The following KIF13A variants were observed in gnomAD, a reference collection of about 807,000 sequenced individuals.
The protein encoded by KIF13A is kinesin family member 13A, also known as kinesin-like protein KIF13A.
A neutral mutation model predicts 212.2 loss-of-function variants in KIF13A; 79 were observed. The ratio of observed to expected loss-of-function variants is 0.37; its 90% CI spans 0.31 to 0.45. The LOEUF (loss-of-function observed/expected upper bound fraction) is 0.45. Ranked by LOEUF, KIF13A falls within the 20% of genes least tolerant of loss-of-function variation. KIF13A has a pLI of 1.00. For missense variants in KIF13A, 1,901 were observed against 2,209.0 expected (o/e 0.86, Z 2.79); for synonymous variants, 789 against 808.6 (o/e 0.98, Z 0.41).
intron 2 of KIF13A, among the ~76,000 whole-genome samples, chr6:17,985,632 C>CGGGGG (rs1554128614): frequency 3.9e-4 from 15 of 38,168 alleles, no homozygotes; most frequent in African/African-American, 1.1e-3. Context: ...ATGCAGTTTG[C>CGGGGG]GGGGGGGTGG....
At chr6:17,920,611 C>T (rs781756584) in intron 2 of KIF13A, among the ~76,000 whole-genome samples, 4 of 152,160 alleles carry the variant, frequency 2.6e-5, no homozygotes, top group South Asian at 2.1e-4. Context: ...CGGTGGCTCA[C>T]GCCTGTAATC....
Position 17,872,827 on chromosome 6 carries a change from G to A in KIF13A, c.220+550C>T, listed in dbSNP as rs1172635151. On this transcript the variant is annotated intron_variant, in intron 4 of 38. Coordinates refer to ENST00000259711, the MANE Select transcript of KIF13A (RefSeq NM_022113.6). This position sits in a 1 kb window ranked among gnomAD's most constrained non-coding sequence, Gnocchi z 4.7. ...AGTTTTGTATGTTTAGTAGAGACGG[G>A]GTTTTGCTATGTTATTCAAGCTGGT... 1.3e-5 allele frequency among the ~76,000 whole-genome samples: 2 copies of A among 151,956 alleles called. No homozygotes were observed. Among genetic ancestry groups the A allele is most frequent in the Non-Finnish European group, 1.5e-5 (1 of 67,992 alleles).
rs1046763719 is a variant in KIF13A, at chr6:17,967,520, C to G, written c.146+19534G>C. Reference sequence around the variant, plus strand: ...CTCAAGGATGGAAAACTAAACTTCTCTAGGGCAGAGAAAACTATCCGAAGT... The same window carrying G: ...CTCAAGGATGGAAAACTAAACTTCTGTAGGGCAGAGAAAACTATCCGAAGT... On this transcript the variant is annotated intron_variant, in intron 2 of 38. Transcript: ENST00000259711. This position sits in a 1 kb window ranked among gnomAD's most constrained non-coding sequence, Gnocchi z 4.1. Among the ~76,000 whole-genome samples the G allele has an allele frequency of 1.3e-5, 2 of 152,236 alleles. No individual in the cohort carries two copies. Among genetic ancestry groups the G allele is most frequent in the South Asian group, 4.1e-4 (2 of 4,830 alleles).
rs1258349669 is a variant in KIF13A at position 17,825,028 on chromosome 6, T to G, written c.1786+740A>C. Among the ~76,000 whole-genome samples the G allele has an allele frequency of 2.0e-5, 3 of 152,120 alleles. No individual in the cohort carries two copies. The South Asian group carries it at 6.2e-4, about 31-fold the overall frequency. Reference sequence around the variant, plus strand: ...ATGTCATCTTGTGGTTGGTAACAGGTGAACATTGCTTCTGGCTTCTAAGTC... The same window carrying G: ...ATGTCATCTTGTGGTTGGTAACAGGGGAACATTGCTTCTGGCTTCTAAGTC... On this transcript the variant is annotated intron_variant, in intron 16 of 38. Transcript: ENST00000259711. This position sits in a 1 kb window ranked among gnomAD's most constrained non-coding sequence, Gnocchi z 4.5.
Position 17,816,391 on chromosome 6 carries a change from C to CA in KIF13A, c.2000+628dup, listed in dbSNP as rs112666589. Among the ~76,000 whole-genome samples the CA allele has an allele frequency of 0.042, 6,424 of 152,212 alleles. 343 individuals are homozygous for CA. The highest frequency in any genetic ancestry group is 0.12 in the African/African-American group (5,012 of 41,508). On this transcript the variant is annotated intron_variant, in intron 17 of 38. Coordinates refer to ENST00000259711, the MANE Select transcript of KIF13A (RefSeq NM_022113.6). This position sits in a 1 kb window ranked among gnomAD's most constrained non-coding sequence, Gnocchi z 4.3. ...GCTAATTTTTTATTTTTTGTAGAGA[C>CA]AAGGTCTCGTTATGTTGCTCAGGCT...
intron 22 of KIF13A, 78 bp from the exon 23 acceptor site, chr6:17,796,898 TA>T: frequency 1.1e-6 from 1 of 945,574 alleles, no homozygotes; most frequent in Non-Finnish European, 1.5e-6. Flanking sequence ...TCAACTGTTA[TA>T]TTTATTTTAG....
chr6:17,782,364 G>A (rs1270540799), intron 29 of KIF13A, among the ~76,000 whole-genome samples: 6 of 152,192 alleles, frequency 3.9e-5, no homozygotes, highest in East Asian at 1.9e-4. Context: ...GAGGCTGAGC[G>A]CAGTGGCTCA....
chr6:17,781,003 A>G (rs2150307323), intron 30 of KIF13A, 97 bp from the exon 31 acceptor site: 1 of 1,352,730 alleles, frequency 7.4e-7, no homozygotes, highest in East Asian at 2.3e-5. Flanking sequence ...AATTCAACTC[A>G]CTGTAATCAA....
chr6:17,896,131 T>C (rs1772540667), intron 3 of KIF13A, among the ~76,000 whole-genome samples: 1 of 152,148 alleles, frequency 6.6e-6, no homozygotes, highest in Admixed American at 6.5e-5. Context: ...ATACATGGGT[T>C]TTATGTCCCC....
intron 16 of KIF13A, among the ~76,000 whole-genome samples, chr6:17,818,389 A>T (rs9383329): frequency 0.97 from 147,494 of 152,300 alleles, 71,598 homozygotes; most frequent in East Asian, 1. Context: ...AGATACCCTA[A>T]CAACTTGTAA....
intron 4 of KIF13A, among the ~76,000 whole-genome samples, chr6:17,860,755 T>G (rs1768688534): frequency 6.6e-6 from 1 of 152,124 alleles, no homozygotes; most frequent in African/African-American, 2.4e-5. Flanking sequence ...TCTTTGAACT[T>G]AAAAATAAAT....
chr6:17,860,646 G>T (rs928053726), intron 4 of KIF13A, among the ~76,000 whole-genome samples: 2 of 151,454 alleles, frequency 1.3e-5, no homozygotes, highest in Non-Finnish European at 2.9e-5. Context: ...TTAATTGGGA[G>T]CCTCTTCCCT....
Position 17,929,710 on chromosome 6 carries a change from CTA to C in KIF13A, c.147-31532_147-31531del, listed in dbSNP as rs1775827801. 3.3e-5 allele frequency among the ~76,000 whole-genome samples: 5 copies of C among 151,952 alleles called. No individual in the cohort carries two copies. The South Asian group carries it at 8.3e-4, about 25-fold the overall frequency. Reference sequence around the variant, plus strand: ...CCACCGCGCCCGGCCGCACTCTCAACTATTTTTGGTGGGAGGGAAGACAGGGT... The same window carrying C: ...CCACCGCGCCCGGCCGCACTCTCAACTTTTTGGTGGGAGGGAAGACAGGGT... On this transcript the variant is annotated intron_variant, in intron 2 of 38. Transcript: ENST00000259711.
At position 17,915,903 on chromosome 6, in the gene KIF13A, T is replaced by G. The variant is rs553009488; in HGVS notation, c.147-17723A>C. Among the ~76,000 whole-genome samples the G allele has an allele frequency of 6.7e-6, 1 of 150,276 alleles. No homozygotes were observed. Among genetic ancestry groups the G allele is most frequent in the East Asian group, 2.0e-4 (1 of 5,082 alleles). ...TTGCAGTAAGCCAAGATGGCACCAC[T>G]GCACTCAAGCCTGGGTGACAGAGAG... is the stretch of plus-strand genomic sequence containing the variant. On this transcript the variant is annotated intron_variant, in intron 2 of 38. Coordinates refer to ENST00000259711, the MANE Select transcript of KIF13A (RefSeq NM_022113.6). The surrounding 1 kb of genome is among the most constrained non-coding windows in gnomAD (Gnocchi z 4.4).
At position 17,764,770 on chromosome 6, in the gene KIF13A, C is replaced by T. The variant is rs772527476; in HGVS notation, c.4758G>A (p.Val1586=). ...LSNSRVLEKE[V]SRSPTTSSIT... is the part of the protein sequence containing the mutation. ...TACTGCTGGTGGTAGGGCTACGGGA[C>T]ACTTCTTTCTCCAAGACCCGTGAGT... The change falls in exon 39 of 39, where the codon GTG becomes GTA. Residue 1586 remains valine, a synonymous_variant. Coordinates refer to ENST00000259711, the MANE Select transcript of KIF13A (RefSeq NM_022113.6). This position sits in a 1 kb window ranked among gnomAD's most constrained non-coding sequence, Gnocchi z 5.1. The T allele has an allele frequency of 7.4e-6, 12 of 1,613,146 alleles. No homozygotes were observed. Among genetic ancestry groups the T allele is most frequent in the Non-Finnish European group, 1.0e-5 (12 of 1,179,556 alleles).
At chr6:17,854,314 T>G (rs1767940528) in intron 6 of KIF13A, among the ~76,000 whole-genome samples, 1 of 152,020 alleles carries the variant, frequency 6.6e-6, no homozygotes, top group African/African-American at 2.4e-5. Flanking sequence ...AATTTTTCTA[T>G]TTTAGTAGAG....
downstream of KIF13A, among the ~76,000 whole-genome samples, chr6:17,763,495 A>AAG (rs61278734): frequency 6.9e-6 from 1 of 145,242 alleles, no homozygotes; most frequent in Non-Finnish European, 1.5e-5. Flanking sequence ...AAAAAAAAAA[A>AAG]GAAAAAAGAA....
chr6:17,976,801 C>CAAAAAAA (rs998413837), intron 2 of KIF13A, among the ~76,000 whole-genome samples: 1 of 98,728 alleles, frequency 1.0e-5, no homozygotes, highest in African/African-American at 3.7e-5. Context: ...GACTCCATCT[C>CAAAAAAA]AAAAAAAAAA....
Position 17,834,976 on chromosome 6 carries a change from T to C in KIF13A, c.1156-905A>G, listed in dbSNP as rs1037010369. Reference sequence around the variant, plus strand: ...GGGAGGCTGAGGTGGGTGAATCACTTGAGACCAGCCTGGCTAACATGGCGA... The same window carrying C: ...GGGAGGCTGAGGTGGGTGAATCACTCGAGACCAGCCTGGCTAACATGGCGA... On this transcript the variant is annotated intron_variant, in intron 11 of 38. Transcript: ENST00000259711. The surrounding 1 kb of genome is among the most constrained non-coding windows in gnomAD (Gnocchi z 4.0). Among the ~76,000 whole-genome samples, 6 of 151,848 alleles carry C rather than the reference T, an allele frequency of 4.0e-5. No homozygotes were observed. The highest frequency in any genetic ancestry group is 8.8e-5 in the Non-Finnish European group (6 of 67,950).
Sources: gnomAD v4.1 joint callset for allele counts (sites outside exome capture counted in the v4.1 genomes callset) on GRCh38, gnomAD v4.1.1 for gene constraint, Gnocchi (gnomAD v3.1) non-coding constraint, MANE v1.5 for transcripts, NCBI Gene and HGNC (gene_info 2026-07-23, HGNC 2026-07-21) for gene names.